The following MTSS1 variants were observed in gnomAD, a reference collection of about 807,000 sequenced individuals.
MTSS1 encodes MTSS I-BAR domain containing 1.
In MTSS1, 18 loss-of-function variants were observed where a neutral mutation model predicts 79.0. The observed-to-expected ratio is 0.23, with a 90% CI of 0.16 to 0.34. The LOEUF is 0.34. Among genes scored for constraint, MTSS1 ranks in the 10% least tolerant of loss-of-function variants. MTSS1 has a pLI of 1.00. For missense variants in MTSS1, 815 were observed against 986.2 expected, an observed-to-expected ratio of 0.83 and a Z score of 2.33; for synonymous variants, 341 against 368.6, an observed-to-expected ratio of 0.93 and a Z score of 0.86.
chr8:124,680,009 AT>A (rs35099970), intron 3 of MTSS1, among the ~76,000 whole-genome samples: 2,236 of 149,296 alleles, frequency 0.015, 48 homozygotes, highest in African/African-American at 0.051. Context: ...CTTCTCCAGA[AT>A]TTTTTTTTTT....
intron 10 of MTSS1, among the ~76,000 whole-genome samples, chr8:124,562,223 C>G (rs1396260061): frequency 6.6e-6 from 1 of 152,216 alleles, no homozygotes; most frequent in Non-Finnish European, 1.5e-5. Context: ...CCATTAAACC[C>G]AGCTGTAGTT....
At chr8:124,602,163 A>AG (rs1833942811) in intron 3 of MTSS1, among the ~76,000 whole-genome samples, 3 of 147,164 alleles carry the variant, frequency 2.0e-5, no homozygotes, top group Admixed American at 2.0e-4. Flanking sequence ...AAAAAAAAAA[A>AG]TCACAAATAA....
intron 3 of MTSS1, among the ~76,000 whole-genome samples, chr8:124,655,859 G>A (rs1820836935): frequency 6.6e-6 from 1 of 152,176 alleles, no homozygotes; most frequent in East Asian, 1.9e-4. Flanking sequence ...TGTAGACAAA[G>A]GCCATAGTAA....
chr8:124,575,907 GA>G (rs1468357184), intron 6 of MTSS1, among the ~76,000 whole-genome samples: 1 of 152,238 alleles, frequency 6.6e-6, no homozygotes, highest in African/African-American at 2.4e-5. Flanking sequence ...ACCGGATCCA[GA>G]AATTTACCAT....
rs749332494 is a variant in MTSS1, at chr8:124,568,443, C to T, written c.554G>A (p.Arg185Gln). The T allele has an allele frequency of 3.1e-6, 5 of 1,614,056 alleles. No homozygotes were observed. The change falls in exon 7 of 14, where the codon CGG (arginine) becomes CAG (glutamine). Residue 185 changes from arginine to glutamine, a missense_variant. Physicochemically the swap from Arg to Gln is conservative, Grantham distance 43. Coordinates refer to ENST00000518547, the MANE Select transcript of MTSS1 (RefSeq NM_014751.6). ...GCCACGTTCTTCAATCAAAGCCTTC[C>T]GGACAGCCTGCTTTTCTGTTTCTTC... ...LLEETEKQAV[R>Q]KALIEERGRF...
At chr8:124,569,440 TCTTG>T (rs1827266291) in intron 6 of MTSS1, among the ~76,000 whole-genome samples, 1 of 152,204 alleles carries the variant, frequency 6.6e-6, no homozygotes, top group African/African-American at 2.4e-5. Flanking sequence ...GACCATGGCC[TCTTG>T]CAAAAGAAGC....
At chr8:124,700,138 CAA>C (rs35425469) in intron 2 of MTSS1, among the ~76,000 whole-genome samples, 1 of 135,918 alleles carries the variant, frequency 7.4e-6, no homozygotes, top group African/African-American at 2.7e-5. Flanking sequence ...GACTCTGCCT[CAA>C]AAAAAAAAAG....
At chr8:124,663,745 T>C (rs952956295) in intron 3 of MTSS1, among the ~76,000 whole-genome samples, 2 of 152,132 alleles carry the variant, frequency 1.3e-5, no homozygotes, top group East Asian at 3.9e-4. Flanking sequence ...TGTCCTTTTG[T>C]AAATGGCCTC....
rs1036399489 is a variant in MTSS1, at chr8:124,580,541, G to A, written c.460+4546C>T. The A allele has an allele frequency of 6.5e-6, 10 of 1,535,788 alleles. No homozygotes were observed. The African/African-American group carries it at 1.2e-4, about 19-fold the overall frequency. On this transcript the variant is annotated intron_variant, in intron 6 of 13. Coordinates refer to ENST00000518547, the MANE Select transcript of MTSS1 (RefSeq NM_014751.6). Reference sequence around the variant, plus strand: ...GAGCAGCCACCAGAGATTTGGGATGGTAGACTTACCAAGAGTGTCCACTGG... The same window carrying A: ...GAGCAGCCACCAGAGATTTGGGATGATAGACTTACCAAGAGTGTCCACTGG...
chr8:124,687,029 C>T (rs969207295), intron 3 of MTSS1, among the ~76,000 whole-genome samples: 4 of 152,134 alleles, frequency 2.6e-5, no homozygotes, highest in Non-Finnish European at 4.4e-5. Context: ...GTGGGCAAGT[C>T]GAGAACCCCA....
At chr8:124,575,698 G>C (rs1213175993) in intron 6 of MTSS1, among the ~76,000 whole-genome samples, 2 of 152,156 alleles carry the variant, frequency 1.3e-5, no homozygotes, top group Non-Finnish European at 2.9e-5. Context: ...TTATCATCAA[G>C]ATTCTTCACT....
At chr8:124,693,212 T>A (rs748852332) in intron 3 of MTSS1, among the ~76,000 whole-genome samples, 4 of 152,096 alleles carry the variant, frequency 2.6e-5, no homozygotes, top group Non-Finnish European at 4.4e-5. Flanking sequence ...CAGAAAACAG[T>A]GAGCAGTTCT....
chr8:124,727,801 G>C lies in MTSS1; in HGVS notation c.72+83C>G, dbSNP rs1370776477. 3 of 1,233,628 alleles carry C rather than the reference G, an allele frequency of 2.4e-6. No individual in the cohort carries two copies. The highest frequency in any genetic ancestry group is 3.2e-6 in the Non-Finnish European group (3 of 927,904). 76.4% of individuals were successfully genotyped at this position (1,233,628 alleles called of 1,614,324 possible). A position where few individuals can be genotyped will look rare whatever the true frequency, so the allele number is the denominator to read the frequency against. On this transcript the variant is annotated intron_variant, in intron 1 of 13. Transcript: ENST00000518547. This position sits in a 1 kb window ranked among gnomAD's most constrained non-coding sequence, Gnocchi z 4.7. The stretch of plus-strand genomic sequence containing the variant: ...GCCACACTGCAGGGAAGGGCCGGGT[G>C]CCCGGCCCGGGGTGGAGGCGAAGCG...
chr8:124,632,735 T>G (rs1414234741), intron 3 of MTSS1, among the ~76,000 whole-genome samples: 1 of 152,192 alleles, frequency 6.6e-6, no homozygotes, highest in African/African-American at 2.4e-5. Context: ...TTGCACAATC[T>G]CAGCTCACTG....
At position 124,711,747 on chromosome 8, in the gene MTSS1, C is replaced by T. The variant is rs748380251; in HGVS notation, c.73-7556G>A. Among the ~76,000 whole-genome samples the T allele has an allele frequency of 6.7e-4, 102 of 152,240 alleles. No individual in the cohort carries two copies. In the Middle Eastern group the frequency reaches 0.01, roughly 15 times the overall value. ...CGAGGCTGGGCGCAGTGCCTCACTC[C>T]TATAATCCTAGCACTTTGGAAGGCT... On this transcript the variant is annotated intron_variant, in intron 1 of 13. Transcript: ENST00000518547.
intron 3 of MTSS1, among the ~76,000 whole-genome samples, chr8:124,675,129 G>A (rs1171133789): frequency 2.0e-5 from 3 of 152,260 alleles, no homozygotes; most frequent in Admixed American, 1.3e-4. Context: ...GTATGTGGAG[G>A]AGCTTTGACT....
chr8:124,715,122 C>T (rs1378791082), intron 1 of MTSS1, among the ~76,000 whole-genome samples: 3 of 152,160 alleles, frequency 2.0e-5, no homozygotes, highest in Non-Finnish European at 2.9e-5. Flanking sequence ...ATTTCTTTTC[C>T]CTGGAAGTGT....
chr8:124,596,748 T>G (rs892344084), intron 3 of MTSS1, among the ~76,000 whole-genome samples: 9 of 152,164 alleles, frequency 5.9e-5, no homozygotes, highest in African/African-American at 2.2e-4. Flanking sequence ...CTTCCTTGCC[T>G]TCTCCTTGCT....
At chr8:124,721,153 T>C (rs891543) in intron 1 of MTSS1, among the ~76,000 whole-genome samples, 131,425 of 152,170 alleles carry the variant, frequency 0.86, 57,103 homozygotes, top group African/African-American at 0.96. Context: ...GTACGGTAGC[T>C]ACTAGCCATA....
Sources: gnomAD v4.1 joint callset for allele counts (sites outside exome capture counted in the v4.1 genomes callset) on GRCh38, gnomAD v4.1.1 for gene constraint, Gnocchi (gnomAD v3.1) non-coding constraint, MANE v1.5 for transcripts, NCBI Gene and HGNC (gene_info 2026-07-23, HGNC 2026-07-21) for gene names.